The following GNG4 variants were observed in gnomAD, a reference collection of about 807,000 sequenced individuals.
GNG4 encodes the protein guanine nucleotide-binding protein G(I)/G(S)/G(O) subunit gamma-4.
In GNG4, 4 loss-of-function variants were observed where a neutral mutation model predicts 5.8. That is an observed-to-expected ratio of 0.69 (90% confidence interval 0.34 to 1.57). The LOEUF (loss-of-function observed/expected upper bound fraction) is 1.57, where lower values mean the gene tolerates loss of function less well. GNG4 is among the 40% of genes most tolerant of loss of function. The pLI, the probability that GNG4 is intolerant of heterozygous loss-of-function variation, is 0.06. For synonymous variants in GNG4, 29 were observed against 32.9 expected (o/e 0.88, Z 0.41); for missense variants, 96 against 95.1 (o/e 1.01, Z -0.04).
chr1:235,635,841 G>A (rs1196652738), intron 1 of GNG4, among the ~76,000 whole-genome samples: 3 of 152,176 alleles, frequency 2.0e-5, no homozygotes, highest in Non-Finnish European at 4.4e-5. Context: ...TTAATCAGCA[G>A]GATACAAACA....
rs1328786458 is a variant in GNG4 at position 235,550,274 on chromosome 1, G to A, written c.*1835C>T. On this transcript the variant is annotated 3_prime_UTR_variant, in exon 4 of 4. Transcript: ENST00000391854. ...TACGGCTTCCTCCTGGAGAATGTGG[G>A]AAGTGAAGTGTGCCACGGGTTACTG... is the stretch of plus-strand genomic sequence containing the variant. 6.6e-6 allele frequency: 1 copy of A among 152,196 alleles called. No individual in the cohort carries two copies. Among genetic ancestry groups the A allele is most frequent in the Non-Finnish European group, 1.5e-5 (1 of 68,046 alleles). The allele number at this position is 152,196 out of a possible 1,614,324, so 9.4% of individuals were successfully genotyped here.
chr1:235,618,903 A>T (rs1398928339), intron 1 of GNG4, among the ~76,000 whole-genome samples: 1 of 150,406 alleles, frequency 6.6e-6, no homozygotes, highest in Admixed American at 6.6e-5. Flanking sequence ...TGATCCTCCC[A>T]CCTTGGCTTC....
chr1:235,626,299 G>C (rs1486540208), intron 1 of GNG4, among the ~76,000 whole-genome samples: 2 of 152,106 alleles, frequency 1.3e-5, no homozygotes, highest in Non-Finnish European at 2.9e-5. Context: ...AGTTTTAAGA[G>C]TTCTTTTGTA....
chr1:235,560,636 A>T (rs1687034636), intron 3 of GNG4, among the ~76,000 whole-genome samples: 1 of 152,254 alleles, frequency 6.6e-6, no homozygotes, highest in African/African-American at 2.4e-5. Context: ...TGAGAAACAG[A>T]CACGAAGAAG....
intron 3 of GNG4, among the ~76,000 whole-genome samples, chr1:235,574,285 C>A (rs958054466): frequency 1.3e-5 from 2 of 152,080 alleles, no homozygotes; most frequent in South Asian, 4.1e-4. Flanking sequence ...GCAGGAGAAT[C>A]GCTTGAACCC....
rs942305417 is a variant in GNG4 at position 235,547,837 on chromosome 1, C to T, written c.*4272G>A. The T allele has an allele frequency of 5.3e-5, 8 of 152,282 alleles. No individual in the cohort carries two copies. The highest frequency in any genetic ancestry group is 1.7e-4 in the African/African-American group (7 of 41,534). The allele number at this position is 152,282 out of a possible 1,614,324, so 9.4% of individuals were successfully genotyped here. A position where few individuals can be genotyped will look rare whatever the true frequency, so the allele number is the denominator to read the frequency against. The stretch of plus-strand genomic sequence containing the variant: ...AAGAAACAGAACACCCCAGAAGCAC[C>T]ACCTCATGCCCGCTTCTGGTTACTG... On this transcript the variant is annotated 3_prime_UTR_variant, in exon 4 of 4. Transcript: ENST00000391854.
chr1:235,587,203 GTA>G (rs1243032571), intron 2 of GNG4, among the ~76,000 whole-genome samples: 3 of 135,198 alleles, frequency 2.2e-5, no homozygotes, highest in Non-Finnish European at 3.1e-5. Context: ...GTGACAGAAA[GTA>G]TGTGTGAGGG....
In GNG4 at chr1:235,557,591, G is replaced by A. The variant is rs190000129; in HGVS notation, c.100-5354C>T. 2.5e-3 allele frequency among the ~76,000 whole-genome samples: 385 copies of A among 152,060 alleles called. 3 individuals carry two copies. Among genetic ancestry groups the A allele is most frequent in the Non-Finnish European group, 3.6e-3 (243 of 68,000 alleles). ...AGAAGTTGGCTGGCTAAACTGTCAC[G>A]ATAGCTCTCTTCCCATTGATCAGTT... On this transcript the variant is annotated intron_variant, in intron 3 of 3. Transcript: ENST00000391854.
chr1:235,625,184 C>T (rs1459345819), intron 1 of GNG4, among the ~76,000 whole-genome samples: 3 of 152,216 alleles, frequency 2.0e-5, no homozygotes, highest in Non-Finnish European at 4.4e-5. Flanking sequence ...ATCCCTTTCC[C>T]TTGCTTTCTC....
intron 1 of GNG4, among the ~76,000 whole-genome samples, chr1:235,597,014 C>T (rs1394896261): frequency 6.6e-6 from 1 of 152,052 alleles, no homozygotes; most frequent in Non-Finnish European, 1.5e-5. Flanking sequence ...GGATTACAGC[C>T]ATGAGCCACT....
intron 3 of GNG4, among the ~76,000 whole-genome samples, chr1:235,567,265 TTATACAAATATATGTGTACATA>T (rs1257662113): frequency 1.1e-4 from 16 of 152,194 alleles, no homozygotes; most frequent in African/African-American, 3.6e-4. Flanking sequence ...GACTATATGT[TTATACAAATATATGTGTACATA>T]TATACACATA....
At chr1:235,625,272 A>G (rs998776119) in intron 1 of GNG4, among the ~76,000 whole-genome samples, 1 of 152,182 alleles carries the variant, frequency 6.6e-6, no homozygotes, top group African/African-American at 2.4e-5. Flanking sequence ...TAAAAAAAAT[A>G]AACTTTATTT....
At chr1:235,553,548 A>C (rs114055308) in intron 3 of GNG4, among the ~76,000 whole-genome samples, 1,560 of 152,290 alleles carry the variant, frequency 0.01, 38 homozygotes, top group African/African-American at 0.034. Flanking sequence ...GGTTTTAAAA[A>C]TTGGCTCATC....
rs1372374720 is a variant in GNG4, at chr1:235,552,237, C to T, written c.100G>A (p.Val34Ile). The T allele has an allele frequency of 1.9e-6, 3 of 1,613,876 alleles. No homozygotes were observed. Among genetic ancestry groups the T allele is most frequent in the Middle Eastern group, 1.7e-4 (1 of 6,060 alleles). The change falls in exon 4 of 4, where the codon GTC (valine) becomes ATC (isoleucine). Residue 34 changes from valine (V) to isoleucine (I), a missense_variant and splice_region_variant. Coordinates refer to ENST00000391854, the MANE Select transcript of GNG4 (RefSeq NM_001098722.2). ...KMEACMDRVK[V>I]SQAAADLLAY... The stretch of plus-strand genomic sequence containing the variant: ...AGGAGGTCCGCAGCTGCCTGGGAGA[C>T]CTGTGAGGGCACAGAGCACAGGTGC...
chr1:235,608,687 AT>A (rs58183552), intron 1 of GNG4, among the ~76,000 whole-genome samples: 6,620 of 143,342 alleles, frequency 0.046, 474 homozygotes, highest in African/African-American at 0.16. Context: ...TTTATTTTTT[AT>A]TTTTTTTTTT....
intron 3 of GNG4, among the ~76,000 whole-genome samples, chr1:235,574,471 T>A (rs762581830): frequency 6.6e-6 from 1 of 152,194 alleles, no homozygotes; most frequent in Non-Finnish European, 1.5e-5. Flanking sequence ...GGATATGACT[T>A]TTTCACATTC....
chr1:235,583,917 C>T (rs1687703587), intron 2 of GNG4, 69 bp from the exon 3 acceptor site: 3 of 858,006 alleles, frequency 3.5e-6, no homozygotes, highest in South Asian at 1.6e-5. Context: ...CCACCTCCCA[C>T]CACCTACAGC....
At chr1:235,588,049 CCT>C (rs1687867701) in intron 2 of GNG4, among the ~76,000 whole-genome samples, 1 of 151,856 alleles carries the variant, frequency 6.6e-6, no homozygotes, top group African/African-American at 2.4e-5. Flanking sequence ...GCTGCGCCCA[CCT>C]CTCTCCCTCC....
At chr1:235,579,198 T>C (rs925141908) in intron 3 of GNG4, among the ~76,000 whole-genome samples, 22 of 151,486 alleles carry the variant, frequency 1.5e-4, no homozygotes, top group African/African-American at 4.6e-4. Flanking sequence ...TACTTGAAAA[T>C]TGCTAAGAGA....
Sources: gnomAD v4.1 joint callset for allele counts (sites outside exome capture counted in the v4.1 genomes callset) on GRCh38, gnomAD v4.1.1 for gene constraint, MANE v1.5 for transcripts, NCBI Gene and HGNC (gene_info 2026-07-23, HGNC 2026-07-21) for gene names.